The following COL28A1 variants were observed in gnomAD, a reference collection of about 807,000 sequenced individuals.
The protein encoded by COL28A1 is collagen alpha-1(XXVIII) chain.
A neutral mutation model predicts 150.2 loss-of-function variants in COL28A1; 161 were observed. That is an observed-to-expected ratio of 1.07 (90% confidence interval 0.94 to 1.22). The LOEUF (loss-of-function observed/expected upper bound fraction) is 1.22, where lower values mean the gene tolerates loss of function less well. COL28A1 is among the 50% of genes most tolerant of loss of function. COL28A1 has a pLI of 0.00. For synonymous variants in COL28A1, 552 were observed against 469.7 expected (o/e 1.18, Z -2.26); for missense variants, 1,617 against 1,388.3 (o/e 1.16, Z -2.62).
intron 30 of COL28A1, among the ~76,000 whole-genome samples, chr7:7,377,023 A>C (rs1425215955): frequency 6.6e-6 from 1 of 152,206 alleles, no homozygotes; most frequent in Non-Finnish European, 1.5e-5. Flanking sequence ...TACACGAATT[A>C]AATTATTCAT....
chr7:7,391,801 C>CTTTTTT (rs33991942), intron 27 of COL28A1, among the ~76,000 whole-genome samples: 4 of 115,876 alleles, frequency 3.5e-5, no homozygotes, highest in Non-Finnish European at 5.3e-5. Context: ...GCAACCCCTG[C>CTTTTTT]TTTTTTTTTT....
At chr7:7,474,070 AATATAT>A (rs58897994) in intron 15 of COL28A1, among the ~76,000 whole-genome samples, 1 of 143,074 alleles carries the variant, frequency 7.0e-6, no homozygotes, top group Non-Finnish European at 1.5e-5. Flanking sequence ...ATATATATGG[AATATAT>A]ATATATATAT....
the COL28A1 span, among the ~76,000 whole-genome samples, chr7:7,339,599 T>C: frequency 6.6e-6 from 1 of 152,190 alleles, no homozygotes; most frequent in African/African-American, 2.4e-5. Flanking sequence ...AGTTCTTCTC[T>C]TTCCACTTTA....
intron 25 of COL28A1, among the ~76,000 whole-genome samples, chr7:7,425,422 G>A (rs1472672594): frequency 1.3e-5 from 2 of 152,198 alleles, no homozygotes; most frequent in African/African-American, 2.4e-5. Context: ...CTCTCAAGGA[G>A]AAGAACATCC....
chr7:7,384,667 A>C (rs1462182890), intron 27 of COL28A1, among the ~76,000 whole-genome samples: 1 of 152,202 alleles, frequency 6.6e-6, no homozygotes, highest in African/African-American at 2.4e-5. Flanking sequence ...TCAAGCATCC[A>C]CTGGGAATAT....
At chr7:7,364,727 A>G (rs1464909642) in intron 33 of COL28A1, among the ~76,000 whole-genome samples, 1 of 152,132 alleles carries the variant, frequency 6.6e-6, no homozygotes, top group East Asian at 1.9e-4. Flanking sequence ...AGGAAAAAAA[A>G]ATTTCCTCCC....
Position 7,432,657 on chromosome 7 carries a change from T to G in COL28A1, c.1904A>C (p.Lys635Thr). The G allele has an allele frequency of 1.3e-5, 21 of 1,614,016 alleles. No homozygotes were observed. Among genetic ancestry groups the G allele is most frequent in the Non-Finnish European group, 1.8e-5 (21 of 1,179,990 alleles). The change falls in exon 24 of 35, where the codon AAA becomes ACA. Residue 635 changes from lysine to threonine, a missense_variant. By Grantham distance (78) the Lys-to-Thr change is moderately conservative (BLOSUM62 -1). Transcript: ENST00000399429. The part of the protein sequence containing the change: ...PRGPVGAPGL[K>T]GDGYPGVPGP... ...AGGCACACCAGGATAGCCATCACCT[T>G]TGAGTCCTGGAGCACCCACTGGTCC...
intron 13 of COL28A1, among the ~76,000 whole-genome samples, chr7:7,479,793 A>T (rs2128358436): frequency 6.6e-6 from 1 of 152,354 alleles, no homozygotes; most frequent in Non-Finnish European, 1.5e-5. Flanking sequence ...CTTGCAGAAA[A>T]TGTACTAATG....
intron 17 of COL28A1, 101 bp downstream of exon 17, chr7:7,453,339 T>C: frequency 1.3e-6 from 1 of 769,504 alleles, no homozygotes. Flanking sequence ...CTCTGATTTT[T>C]AAGTTCATTC....
chr7:7,456,721 T>C (rs1474301345), intron 15 of COL28A1, among the ~76,000 whole-genome samples: 1 of 152,036 alleles, frequency 6.6e-6, no homozygotes, highest in Non-Finnish European at 1.5e-5. Flanking sequence ...AGCCAGAAAG[T>C]GTTCCAAACA....
intron 32 of COL28A1, 22 bp downstream of exon 32, chr7:7,372,976 T>C: frequency 3.8e-6 from 6 of 1,599,628 alleles, no homozygotes; most frequent in Non-Finnish European, 5.1e-6. Flanking sequence ...GCCTTTCCCC[T>C]GGGCCAGATA....
chr7:7,447,644 A>G (rs1786363575), intron 18 of COL28A1, among the ~76,000 whole-genome samples: 1 of 152,190 alleles, frequency 6.6e-6, no homozygotes, highest in East Asian at 1.9e-4. Context: ...AGACAAATGG[A>G]AGATATATGA....
At chr7:7,510,570 C>T (rs1394370638) in intron 9 of COL28A1, among the ~76,000 whole-genome samples, 1 of 152,198 alleles carries the variant, frequency 6.6e-6, no homozygotes, top group Non-Finnish European at 1.5e-5. Context: ...CAGGTGTTAG[C>T]CACTGCGTTC....
intron 11 of COL28A1, among the ~76,000 whole-genome samples, chr7:7,494,218 T>C (rs1780078487): frequency 6.6e-6 from 1 of 152,180 alleles, no homozygotes; most frequent in Non-Finnish European, 1.5e-5. Context: ...ACATACATTA[T>C]CTCATTTAAT....
chr7:7,461,096 T>C (rs572717224), intron 15 of COL28A1, among the ~76,000 whole-genome samples: 22 of 152,242 alleles, frequency 1.4e-4, no homozygotes, highest in Middle Eastern at 3.4e-3. Context: ...GCCCAAACTA[T>C]AGAAATGGGA....
chr7:7,462,309 C>T lies in COL28A1; in HGVS notation c.1303-6197G>A, dbSNP rs12672583. Among the ~76,000 whole-genome samples the T allele has an allele frequency of 4.7e-3, 713 of 152,232 alleles. 5 individuals carry two copies. The highest frequency in any genetic ancestry group is 0.022 in the East Asian group (115 of 5,172). On this transcript the variant is annotated intron_variant, in intron 15 of 34. Coordinates refer to ENST00000399429, the MANE Select transcript of COL28A1 (RefSeq NM_001037763.3). ...CAGAAAACCAACTCTGGTAATATGACGAAACAAGGTTGTTTAACACCCCCA... is the reference window on the plus strand; with the variant it reads ...CAGAAAACCAACTCTGGTAATATGATGAAACAAGGTTGTTTAACACCCCCA...
chr7:7,541,780 G>T, the COL28A1 span, among the ~76,000 whole-genome samples: 1 of 152,144 alleles, frequency 6.6e-6, no homozygotes, highest in African/African-American at 2.4e-5. Flanking sequence ...GGATCAAGAA[G>T]CTCTCTAAGT....
rs915928335 is a variant in COL28A1 at position 7,391,421 on chromosome 7, G to C, written c.2137-9809C>G. Among the ~76,000 whole-genome samples, 13 of 152,164 alleles carry C rather than the reference G, an allele frequency of 8.5e-5. No individual in the cohort carries two copies. In the South Asian group the frequency reaches 2.5e-3, roughly 29 times the overall value. ...ATTATGTGCTCAATTTTAGAATAAGGGTGATGTAGTGCTGAGAAGAATGCA... is the reference window on the plus strand; with the variant it reads ...ATTATGTGCTCAATTTTAGAATAAGCGTGATGTAGTGCTGAGAAGAATGCA... On this transcript the variant is annotated intron_variant, in intron 27 of 34. Coordinates refer to ENST00000399429, the MANE Select transcript of COL28A1 (RefSeq NM_001037763.3).
At chr7:7,470,847 A>G (rs1254113218) in intron 15 of COL28A1, among the ~76,000 whole-genome samples, 1 of 130,068 alleles carries the variant, frequency 7.7e-6, no homozygotes, top group East Asian at 2.2e-4. Flanking sequence ...CATTCTCAGT[A>G]AACTATCGTA....
Sources: allele counts gnomAD v4.1 joint callset (sites outside exome capture counted in the v4.1 genomes callset), GRCh38; gene constraint gnomAD v4.1.1; transcripts MANE v1.5; gene names NCBI Gene and HGNC (gene_info 2026-07-23, HGNC 2026-07-21).